MCTP1: variants seen among roughly 807,000 people sequenced by gnomAD.
The protein encoded by MCTP1 is multiple C2 and transmembrane domain-containing protein 1.
Under a neutral mutation model 120.6 loss-of-function variants are expected in MCTP1, and 69 were observed. That is an observed-to-expected ratio of 0.57 (90% CI 0.47 to 0.70). The LOEUF (loss-of-function observed/expected upper bound fraction) is 0.70, where lower values mean the gene tolerates loss of function less well. MCTP1 is among the 30% of genes least tolerant of loss of function. The pLI is 0.00. For missense variants in MCTP1, 1,203 were observed against 1,248.8 expected (o/e 0.96, Z 0.55); for synonymous variants, 529 against 493.1 (o/e 1.07, Z -0.96).
intron 1 of MCTP1, among the ~76,000 whole-genome samples, chr5:95,072,740 A>ATTTTTTTTTT (rs11421165): frequency 4.2e-5 from 4 of 95,254 alleles, no homozygotes; most frequent in Non-Finnish European, 5.7e-5. Flanking sequence ...CTTAGCAACT[A>ATTTTTTTTTT]TTTTTTTTTT....
intron 1 of MCTP1, among the ~76,000 whole-genome samples, chr5:95,129,979 T>C (rs1278025807): frequency 6.6e-6 from 1 of 152,224 alleles, no homozygotes; most frequent in Admixed American, 6.5e-5. Flanking sequence ...GGCAAATTTT[T>C]TGTCTCTCTC....
chr5:94,761,799 G>A (rs543617548), intron 19 of MCTP1, among the ~76,000 whole-genome samples: 2 of 152,306 alleles, frequency 1.3e-5, no homozygotes, highest in South Asian at 4.1e-4. Flanking sequence ...CTGGCCTAAA[G>A]TCTTGCTTGA....
rs773023042 is a variant in MCTP1 at position 94,944,658 on chromosome 5, G to GCGAGAGCC, written c.982-2232_982-2231insGGCTCTCG. ...CATCCAACCTCTTTTCACTCTCCTA[G>GCGAGAGCC]TGAGAGTCTTTCCTATTATCCTAAT... On this transcript the variant is annotated intron_variant, in intron 3 of 22. Coordinates refer to ENST00000515393, the MANE Select transcript of MCTP1 (RefSeq NM_024717.7). 4.2e-3 allele frequency among the ~76,000 whole-genome samples: 647 copies of GCGAGAGCC among 152,284 alleles called. 1 individual carries two copies. The highest frequency in any genetic ancestry group is 0.031 in the Middle Eastern group (9 of 294).
intron 2 of MCTP1, among the ~76,000 whole-genome samples, chr5:95,004,118 G>A (rs556254707): frequency 1.2e-4 from 19 of 152,300 alleles, no homozygotes; most frequent in African/African-American, 3.8e-4. Context: ...CAAAGAGACT[G>A]GTGGCATTGC....
chr5:95,223,454 A>G (rs1448818305), intron 1 of MCTP1, among the ~76,000 whole-genome samples: 1 of 152,156 alleles, frequency 6.6e-6, no homozygotes, highest in Non-Finnish European at 1.5e-5. Context: ...CTGTCTCAAA[A>G]ACATAAATAA....
intron 17 of MCTP1, among the ~76,000 whole-genome samples, chr5:94,857,734 A>T (rs1794970068): frequency 6.6e-6 from 1 of 151,656 alleles, no homozygotes; most frequent in South Asian, 2.1e-4. Flanking sequence ...ATCTTTCTTC[A>T]CTCCAGTATC....
At chr5:95,187,760 GT>G (rs1385168047) in intron 1 of MCTP1, among the ~76,000 whole-genome samples, 4 of 152,154 alleles carry the variant, frequency 2.6e-5, no homozygotes, top group Admixed American at 2.0e-4. Context: ...GGTGAGGATA[GT>G]TAATGGGTAC....
At chr5:95,027,112 T>C in intron 1 of MCTP1, among the ~76,000 whole-genome samples, 1 of 152,220 alleles carries the variant, frequency 6.6e-6, no homozygotes, top group East Asian at 1.9e-4. Flanking sequence ...CTCAAGTATC[T>C]GTCAAGGAAA....
At chr5:94,964,586 C>G (rs748445585) in intron 2 of MCTP1, among the ~76,000 whole-genome samples, 6 of 152,176 alleles carry the variant, frequency 3.9e-5, no homozygotes, top group Non-Finnish European at 7.4e-5. Flanking sequence ...GAACTGACAC[C>G]TTTATCATTA....
chr5:95,026,929 G>A (rs1158962346), intron 1 of MCTP1, among the ~76,000 whole-genome samples: 1 of 152,158 alleles, frequency 6.6e-6, no homozygotes, highest in African/African-American at 2.4e-5. Flanking sequence ...GTCATGACCA[G>A]TTTCTACTTA....
chr5:95,146,333 T>C (rs1312698200), intron 1 of MCTP1, among the ~76,000 whole-genome samples: 5 of 152,196 alleles, frequency 3.3e-5, no homozygotes, highest in African/African-American at 1.2e-4. Context: ...TTCCAAGAAC[T>C]AACTCTTGCT....
intron 19 of MCTP1, among the ~76,000 whole-genome samples, chr5:94,762,546 G>A (rs1046545652): frequency 1.3e-5 from 2 of 152,194 alleles, no homozygotes; most frequent in African/African-American, 4.8e-5. Context: ...AAGACCCAGT[G>A]CCTAGGGAAA....
intron 1 of MCTP1, among the ~76,000 whole-genome samples, chr5:95,251,378 G>A (rs1017690393): frequency 1.3e-5 from 2 of 152,232 alleles, no homozygotes; most frequent in South Asian, 4.1e-4. Context: ...AGAGGTTCAG[G>A]TTGAAGAAGG....
At chr5:94,847,648 G>C (rs1448907918) in intron 17 of MCTP1, among the ~76,000 whole-genome samples, 1 of 30,438 alleles carries the variant, frequency 3.3e-5, no homozygotes, top group Non-Finnish European at 1.6e-4. Context: ...GCAGCAATCT[G>C]TGTGTGTGTG....
chr5:94,887,376 T>C (rs1339030328), intron 12 of MCTP1, among the ~76,000 whole-genome samples: 1 of 152,184 alleles, frequency 6.6e-6, no homozygotes, highest in Non-Finnish European at 1.5e-5. Flanking sequence ...TGGGTTAATC[T>C]AGTTTGCATA....
intron 1 of MCTP1, among the ~76,000 whole-genome samples, chr5:95,188,274 C>T (rs778477112): frequency 2.0e-5 from 3 of 152,154 alleles, no homozygotes; most frequent in African/African-American, 4.8e-5. Flanking sequence ...GCTGATGATG[C>T]TGAGAAGTTG....
At chr5:95,236,582 T>C (rs1345440830) in intron 1 of MCTP1, among the ~76,000 whole-genome samples, 1 of 152,198 alleles carries the variant, frequency 6.6e-6, no homozygotes, top group Non-Finnish European at 1.5e-5. Context: ...TTATATATAG[T>C]CTTTGCTGAT....
At chr5:94,961,052 G>A (rs573139723) in intron 2 of MCTP1, among the ~76,000 whole-genome samples, 3 of 152,236 alleles carry the variant, frequency 2.0e-5, no homozygotes, top group Non-Finnish European at 4.4e-5. Context: ...ACTGGATAAA[G>A]AAAATGTGGC....
At chr5:95,120,872 T>C (rs1396379977) in intron 1 of MCTP1, among the ~76,000 whole-genome samples, 1 of 152,172 alleles carries the variant, frequency 6.6e-6, no homozygotes, top group East Asian at 1.9e-4. Context: ...GGCATCCAAA[T>C]TGGAAAGGAA....
Sources: gnomAD v4.1 joint callset for allele counts (sites outside exome capture counted in the v4.1 genomes callset) on GRCh38, gnomAD v4.1.1 for gene constraint, MANE v1.5 for transcripts, NCBI Gene and HGNC (gene_info 2026-07-23, HGNC 2026-07-21) for gene names.